KIAA1328: variants seen among roughly 807,000 people sequenced by gnomAD.
KIAA1328 encodes protein hinderin.
Under a neutral mutation model 68.1 loss-of-function variants are expected in KIAA1328, and 52 were observed. The observed-to-expected ratio is 0.76, with a 90% CI of 0.61 to 0.96. The LOEUF is 0.96. Among genes scored for constraint, KIAA1328 ranks in the 40% least tolerant of loss-of-function variants. KIAA1328 has a pLI of 0.00. For synonymous variants in KIAA1328, 232 were observed against 239.4 expected (o/e 0.97, Z 0.28); for missense variants, 641 against 677.6 (o/e 0.95, Z 0.60).
intron 7 of KIAA1328, among the ~76,000 whole-genome samples, chr18:37,128,347 A>C (rs1389929590): frequency 1.3e-5 from 2 of 152,198 alleles, no homozygotes; most frequent in East Asian, 3.9e-4. Context: ...GGTGGTGCAC[A>C]CCTGTAATCC....
intron 7 of KIAA1328, among the ~76,000 whole-genome samples, chr18:37,125,289 C>G (rs1366250154): frequency 1.3e-5 from 2 of 152,120 alleles, no homozygotes; most frequent in Non-Finnish European, 2.9e-5. Flanking sequence ...CATTGCACTC[C>G]AGCCTGGGTG....
chr18:36,911,451 G>A (rs1485681936), intron 5 of KIAA1328, among the ~76,000 whole-genome samples: 2 of 152,122 alleles, frequency 1.3e-5, no homozygotes, highest in South Asian at 4.2e-4. Context: ...ACAGACCTTG[G>A]TTATATATCA....
intron 7 of KIAA1328, among the ~76,000 whole-genome samples, chr18:37,104,388 T>C (rs1048844853): frequency 1.3e-5 from 2 of 152,180 alleles, no homozygotes; most frequent in Non-Finnish European, 2.9e-5. Flanking sequence ...TGTAGGTAAT[T>C]ACTTTAAGTG....
At chr18:37,084,339 A>G (rs1024294106) in intron 7 of KIAA1328, 6 of 468,390 alleles carry the variant, frequency 1.3e-5, no homozygotes, top group African/African-American at 2.0e-5. Context: ...TTTTGTGACC[A>G]TATGAATACG....
At chr18:36,994,843 C>A (rs1344926950) in intron 6 of KIAA1328, among the ~76,000 whole-genome samples, 1 of 152,108 alleles carries the variant, frequency 6.6e-6, no homozygotes, top group African/African-American at 2.4e-5. Flanking sequence ...CTGGTAATAT[C>A]CAGTGTTTCC....
At position 36,835,394 on chromosome 18, in the gene KIAA1328, C is replaced by G; in HGVS notation, c.237+18C>G. ...ATGAACAGGTTAGTATTTTTTTCGT[C>G]TTTTTTTTTCCTTGCTCTCCAGTCT... On this transcript the variant is annotated intron_variant, in intron 3 of 9. Coordinates refer to ENST00000280020, the MANE Select transcript of KIAA1328 (RefSeq NM_020776.3). 1 of 1,580,052 alleles carries G rather than the reference C, an allele frequency of 6.3e-7. No homozygotes were observed. Among genetic ancestry groups the G allele is most frequent in the Non-Finnish European group, 8.6e-7 (1 of 1,160,926 alleles).
At chr18:36,979,613 A>G (rs1489421588) in intron 6 of KIAA1328, among the ~76,000 whole-genome samples, 1 of 152,196 alleles carries the variant, frequency 6.6e-6, no homozygotes. Context: ...GGTATCAAGC[A>G]GGAAGATCCA....
intron 8 of KIAA1328, among the ~76,000 whole-genome samples, chr18:37,169,221 A>AGT (rs2059450713): frequency 2.0e-5 from 3 of 149,842 alleles, no homozygotes; most frequent in South Asian, 4.2e-4. Context: ...GCTGGAGTGC[A>AGT]GTGGCACGAT....
At chr18:37,050,777 TAGAGG>T (rs2055661562) in intron 6 of KIAA1328, among the ~76,000 whole-genome samples, 1 of 152,236 alleles carries the variant, frequency 6.6e-6, no homozygotes, top group South Asian at 2.1e-4. Context: ...GTAACAGAGT[TAGAGG>T]AAATAGAACC....
chr18:36,846,887 C>CT (rs1360136555), intron 4 of KIAA1328, among the ~76,000 whole-genome samples: 2 of 151,108 alleles, frequency 1.3e-5, no homozygotes, highest in Non-Finnish European at 3.0e-5. Context: ...ATCTCCAGAA[C>CT]TTTTTTTTAT....
intron 4 of KIAA1328, among the ~76,000 whole-genome samples, chr18:36,863,233 T>C (rs1018609149): frequency 6.6e-6 from 1 of 152,056 alleles, no homozygotes; most frequent in East Asian, 1.9e-4. Context: ...AACTTTTGAA[T>C]AACATGTGAG....
intron 7 of KIAA1328, among the ~76,000 whole-genome samples, chr18:37,096,681 G>C (rs554417374): frequency 3.3e-5 from 5 of 152,310 alleles, no homozygotes; most frequent in South Asian, 4.2e-4. Context: ...CTAGTTTACA[G>C]TCCCACCAAC....
chr18:36,925,809 G>T (rs539656511), intron 5 of KIAA1328, among the ~76,000 whole-genome samples: 2 of 151,640 alleles, frequency 1.3e-5, no homozygotes, highest in African/African-American at 4.8e-5. Flanking sequence ...GAAGTGCTTG[G>T]ATTACAGGCG....
At chr18:36,898,960 T>C (rs2048948612) in intron 5 of KIAA1328, among the ~76,000 whole-genome samples, 1 of 151,998 alleles carries the variant, frequency 6.6e-6, no homozygotes, top group African/African-American at 2.4e-5. Context: ...TTTTAGTTCT[T>C]TTAAATCTTT....
At chr18:36,979,101 G>C (rs2052583054) in intron 6 of KIAA1328, among the ~76,000 whole-genome samples, 1 of 152,108 alleles carries the variant, frequency 6.6e-6, no homozygotes, top group South Asian at 2.1e-4. Context: ...CAAGGCTACA[G>C]TGAGCTATGA....
At chr18:37,060,632 GATAA>G (rs1297245740) in intron 6 of KIAA1328, among the ~76,000 whole-genome samples, 6 of 152,008 alleles carry the variant, frequency 3.9e-5, no homozygotes. Context: ...CTATGGCCAA[GATAA>G]ATAAATGCAT....
At chr18:37,153,564 A>C (rs1433781669) in intron 7 of KIAA1328, among the ~76,000 whole-genome samples, 2 of 151,334 alleles carry the variant, frequency 1.3e-5, no homozygotes, top group Non-Finnish European at 2.9e-5. Flanking sequence ...ATATAGGTAC[A>C]TACATGTATT....
At chr18:37,018,578 C>A (rs139645507) in intron 6 of KIAA1328, among the ~76,000 whole-genome samples, 223 of 152,182 alleles carry the variant, frequency 1.5e-3, no homozygotes, top group South Asian at 2.9e-3. Flanking sequence ...TCCTTTTTAT[C>A]CTATCTCAGG....
intron 7 of KIAA1328, among the ~76,000 whole-genome samples, chr18:37,143,475 A>G (rs1032727159): frequency 2.0e-5 from 3 of 150,832 alleles, no homozygotes; most frequent in Admixed American, 6.6e-5. Context: ...TGTGAATAAT[A>G]ACAGCTTTAT....
Sources: allele counts gnomAD v4.1 joint callset (sites outside exome capture counted in the v4.1 genomes callset), GRCh38; gene constraint gnomAD v4.1.1; transcripts MANE v1.5; gene names NCBI Gene and HGNC (gene_info 2026-07-23, HGNC 2026-07-21).